Variants in VIPR2 observed in about 807,000 individuals in gnomAD.
VIPR2 encodes the protein vasoactive intestinal polypeptide receptor 2.
A neutral mutation model predicts 58.0 loss-of-function variants in VIPR2; 48 were observed. The ratio of observed to expected loss-of-function variants is 0.83; its 90% confidence interval spans 0.66 to 1.05. The LOEUF (loss-of-function observed/expected upper bound fraction) is 1.05. VIPR2 is among the 50% of genes least tolerant of loss of function. The pLI is 0.00. For synonymous variants in VIPR2, 243 were observed against 235.2 expected (o/e 1.03, Z -0.30); for missense variants, 534 against 558.0 (o/e 0.96, Z 0.43).
At position 159,096,465 on chromosome 7, in the gene VIPR2, CTCTAATTCCT is replaced by C. The variant is rs923363269; in HGVS notation, c.357+7282_357+7291del. On this transcript the variant is annotated intron_variant, in intron 4 of 12. Transcript: ENST00000262178. This position sits in a 1 kb window ranked among gnomAD's most constrained non-coding sequence, Gnocchi z 5.5. ...CTTCCACCTTCCTGATCATGTGGAC[CTCTAATTCCT>C]TCACCTTCATCTCCCTCCCATTAGG... 7.2e-5 allele frequency among the ~76,000 whole-genome samples: 11 copies of C among 152,328 alleles called. No homozygotes were observed. Among genetic ancestry groups the C allele is most frequent in the African/African-American group, 2.4e-4 (10 of 41,578 alleles).
At chr7:159,134,632 T>C (rs897188753) in intron 2 of VIPR2, among the ~76,000 whole-genome samples, 1 of 152,142 alleles carries the variant, frequency 6.6e-6, no homozygotes, top group Non-Finnish European at 1.5e-5. Flanking sequence ...AAAGTGAGTT[T>C]GTTTTCTATT....
At chr7:159,130,707 G>A (rs551110443) in intron 2 of VIPR2, among the ~76,000 whole-genome samples, 4 of 152,314 alleles carry the variant, frequency 2.6e-5, no homozygotes, top group African/African-American at 7.2e-5. Flanking sequence ...TGGCGTGGCC[G>A]GCATCACGTC....
chr7:159,031,680 C>A lies in VIPR2; in HGVS notation c.1143+148G>T. On this transcript the variant is annotated intron_variant, in intron 12 of 12. Transcript: ENST00000262178. This position sits in a 1 kb window ranked among gnomAD's most constrained non-coding sequence, Gnocchi z 4.0. ...GTTTGCCTGTGTCGTTGTGGGTTCT[C>A]TGATGGGGACACAGAACTGTGGGGT... 6.7e-7 allele frequency: 1 copy of A among 1,498,986 alleles called. No individual in the cohort carries two copies. The highest frequency in any genetic ancestry group is 1.3e-5 in the South Asian group (1 of 75,336). The allele number at this position is 1,498,986 out of a possible 1,614,324, so 92.9% of individuals were successfully genotyped here. A position where few individuals can be genotyped will look rare whatever the true frequency, so the allele number is the denominator to read the frequency against.
rs2129497207 is a variant in VIPR2 at position 159,127,611 on chromosome 7, C to T, written c.151+14835G>A. ...AGAGAAGGCATCATTGCAAATGCCT[C>T]AGAGGTGGGAGTCTCTTCCACACCT... is the stretch of plus-strand genomic sequence containing the variant. On this transcript the variant is annotated intron_variant, in intron 2 of 12. Transcript: ENST00000262178. The surrounding 1 kb of genome is among the most constrained non-coding windows in gnomAD (Gnocchi z 4.6). Among the ~76,000 whole-genome samples the T allele has an allele frequency of 6.6e-6, 1 of 152,304 alleles. No individual in the cohort carries two copies.
rs200138862 is a variant in VIPR2 at position 159,031,917 on chromosome 7, C to G, written c.1101+21G>C. ...GGCAGGACCCGCGCTCGGGGGAGGG[C>G]GGCCGCCTCCGCACACCTACCTGGA... On this transcript the variant is annotated intron_variant, in intron 11 of 12. Coordinates refer to ENST00000262178, the MANE Select transcript of VIPR2 (RefSeq NM_003382.5). This position sits in a 1 kb window ranked among gnomAD's most constrained non-coding sequence, Gnocchi z 4.0. The G allele has an allele frequency of 2.5e-6, 4 of 1,614,094 alleles. No homozygotes were observed. The highest frequency in any genetic ancestry group is 3.4e-6 in the Non-Finnish European group (4 of 1,180,022).
At chr7:159,112,327 G>A (rs1490036412) in intron 2 of VIPR2, among the ~76,000 whole-genome samples, 2 of 152,246 alleles carry the variant, frequency 1.3e-5, no homozygotes, top group Non-Finnish European at 2.9e-5. Context: ...AGGGCGCCGA[G>A]GCTGAGGTAG....
chr7:159,141,828 A>G (rs1216122851), intron 2 of VIPR2, among the ~76,000 whole-genome samples: 2 of 152,224 alleles, frequency 1.3e-5, no homozygotes, highest in African/African-American at 4.8e-5. Flanking sequence ...CAAAGAGCAG[A>G]GAAAGCTGAG....
chr7:159,034,203 A>T lies in VIPR2; in HGVS notation c.971+10T>A. On this transcript the variant is annotated intron_variant, in intron 10 of 12. Transcript: ENST00000262178. ...CCATCAGGGACGGCCAGGCCGGGAC[A>T]CACACTCACTTGTACTGAGACTGGT... 1.2e-6 allele frequency: 2 copies of T among 1,613,696 alleles called. No individual in the cohort carries two copies. The highest frequency in any genetic ancestry group is 1.7e-6 in the Non-Finnish European group (2 of 1,179,772).
At chr7:159,066,970 A>G (rs1428888960) in intron 4 of VIPR2, among the ~76,000 whole-genome samples, 2 of 152,190 alleles carry the variant, frequency 1.3e-5, no homozygotes, top group African/African-American at 4.8e-5. Context: ...CTCTCCTGTG[A>G]GTGGGCACTG....
chr7:159,062,416 G>A (rs1855741405), intron 4 of VIPR2, among the ~76,000 whole-genome samples: 2 of 152,122 alleles, frequency 1.3e-5, no homozygotes, highest in African/African-American at 2.4e-5. Flanking sequence ...TCTGATGTTC[G>A]GACATGTTTA....
At chr7:159,068,480 T>A (rs534874811) in intron 4 of VIPR2, among the ~76,000 whole-genome samples, 15 of 152,192 alleles carry the variant, frequency 9.9e-5, no homozygotes, top group Non-Finnish European at 2.2e-4. Flanking sequence ...AGGAAGAGGG[T>A]TCCCACACGG....
At chr7:159,101,714 G>A (rs1858261036) in intron 4 of VIPR2, among the ~76,000 whole-genome samples, 1 of 145,990 alleles carries the variant, frequency 6.8e-6, no homozygotes, top group Non-Finnish European at 1.5e-5. Flanking sequence ...GGTTCCGACT[G>A]TTCCTGTGGT....
chr7:159,141,067 A>G (rs1797445556), intron 2 of VIPR2, among the ~76,000 whole-genome samples: 1 of 152,200 alleles, frequency 6.6e-6, no homozygotes, highest in Non-Finnish European at 1.5e-5. Context: ...GGCAACCCTA[A>G]AAGCCTGTCT....
intron 4 of VIPR2, among the ~76,000 whole-genome samples, chr7:159,088,468 C>A (rs1433914016): frequency 6.6e-6 from 1 of 152,126 alleles, no homozygotes; most frequent in African/African-American, 2.4e-5. Context: ...TGAACACCTG[C>A]ACACCCACCG....
At chr7:159,101,554 T>C (rs1329248521) in intron 4 of VIPR2, among the ~76,000 whole-genome samples, 8 of 121,504 alleles carry the variant, frequency 6.6e-5, no homozygotes, top group African/African-American at 2.3e-4. Flanking sequence ...TTCCCCTGAC[T>C]GTTCCTGTGG....
At chr7:159,059,692 G>A (rs905028071) in intron 4 of VIPR2, among the ~76,000 whole-genome samples, 1 of 151,884 alleles carries the variant, frequency 6.6e-6, no homozygotes, top group African/African-American at 2.4e-5. Flanking sequence ...CATCCTTCCC[G>A]ACTCCACTCA....
At chr7:159,091,830 T>A (rs1857524994) in intron 4 of VIPR2, among the ~76,000 whole-genome samples, 1 of 152,164 alleles carries the variant, frequency 6.6e-6, no homozygotes, top group South Asian at 2.1e-4. Flanking sequence ...GCAACCGCAG[T>A]TAGAAAAGCC....
Position 159,073,798 on chromosome 7 carries a change from G to C in VIPR2, c.358-15220C>G, listed in dbSNP as rs192539335. 1.5e-4 allele frequency among the ~76,000 whole-genome samples: 23 copies of C among 152,280 alleles called. No individual in the cohort carries two copies. The South Asian group carries it at 2.9e-3, about 19-fold the overall frequency. ...AGGCACAGGCAGTGCCACATGGAGT[G>C]GGGGAGCCCCAGGGCAGAACTCTAC... On this transcript the variant is annotated intron_variant, in intron 4 of 12. Transcript: ENST00000262178.
chr7:159,086,059 C>T (rs1271476888), intron 4 of VIPR2, among the ~76,000 whole-genome samples: 1 of 152,178 alleles, frequency 6.6e-6, no homozygotes, highest in Non-Finnish European at 1.5e-5. Flanking sequence ...AACAAGTGCA[C>T]CACATTAACA....
Sources: gnomAD v4.1 joint callset for allele counts (sites outside exome capture counted in the v4.1 genomes callset) on GRCh38, gnomAD v4.1.1 for gene constraint, Gnocchi (gnomAD v3.1) non-coding constraint, MANE v1.5 for transcripts, NCBI Gene and HGNC (gene_info 2026-07-23, HGNC 2026-07-21) for gene names.